The following URGCP variants were observed in gnomAD, a reference collection of about 807,000 sequenced individuals.
URGCP encodes the protein upregulator of cell proliferation, also known as up-regulator of cell proliferation.
In URGCP, 13 loss-of-function variants were observed where a neutral mutation model predicts 24.6. The ratio of observed to expected loss-of-function variants is 0.53; its 90% CI spans 0.34 to 0.84. The LOEUF (loss-of-function observed/expected upper bound fraction) is 0.84. Among genes scored for constraint, URGCP ranks in the 40% least tolerant of loss-of-function variants. The probability of loss-of-function intolerance (pLI) is 0.01; values close to 1 mark genes in which losing one functional copy is unlikely to be tolerated. For missense variants in URGCP, 899 were observed against 1,194.3 expected, an observed-to-expected ratio of 0.75 and a Z score of 3.64; for synonymous variants, 444 against 487.2, an observed-to-expected ratio of 0.91 and a Z score of 1.17.
At position 43,906,584 on chromosome 7, in the gene URGCP, C is replaced by G; in HGVS notation, c.-9G>C. Reference sequence around the variant, plus strand: ...CACCCGGGCGACGCCATGAGCGCAGCGAGGTCTCCGCTCCCGCCTCCTTCG... The same window carrying G: ...CACCCGGGCGACGCCATGAGCGCAGGGAGGTCTCCGCTCCCGCCTCCTTCG... On this transcript the variant is annotated 5_prime_UTR_variant, in exon 1 of 6. Coordinates refer to ENST00000453200, the MANE Select transcript of URGCP (RefSeq NM_001077663.3). 8.1e-7 allele frequency: 1 copy of G among 1,236,458 alleles called. No individual in the cohort carries two copies. Among genetic ancestry groups the G allele is most frequent in the Non-Finnish European group, 1.0e-6 (1 of 981,734 alleles). The allele number at this position is 1,236,458 out of a possible 1,614,324, so 76.6% of individuals were successfully genotyped here. A position where few individuals can be genotyped will look rare whatever the true frequency, so the allele number is the denominator to read the frequency against.
At chr7:43,918,937 C>T (rs1018851164) in intron 1 of URGCP, 4 of 1,385,596 alleles carry the variant, frequency 2.9e-6, no homozygotes, top group South Asian at 1.2e-5. Flanking sequence ...CTCAACTCCC[C>T]CTGTGCCAAG....
rs755926322 is a variant in URGCP, at chr7:43,878,973, G to A, written c.490C>T (p.Leu164Phe). The A allele has an allele frequency of 3.7e-6, 6 of 1,614,248 alleles. No homozygotes were observed. In the South Asian group the frequency reaches 6.6e-5, roughly 18 times the overall value. The change falls in exon 6 of 6, where the codon CTT (leucine) becomes TTT (phenylalanine). Residue 164 changes from leucine to phenylalanine, a missense_variant. By Grantham distance (22) the Leu-to-Phe change is conservative. Coordinates refer to ENST00000453200, the MANE Select transcript of URGCP (RefSeq NM_001077663.3). The surrounding 1 kb of genome is among the most constrained non-coding windows in gnomAD (Gnocchi z 5.6). ...EIIYWDPADD[L>F]AADIYSFSEL... ...GAAAAGGAATAAATGTCGGCAGCAA[G>A]GTCATCAGCTGGGTCCCAGTAGATG...
chr7:43,877,473 C>T lies in URGCP; in HGVS notation c.1990G>A (p.Asp664Asn). The change falls in exon 6 of 6, where the codon GAT becomes AAT. Residue 664 changes from aspartate (D) to asparagine (N), a missense_variant. Asp to Asn is a conservative substitution (Grantham distance 23). Transcript: ENST00000453200. ...LLTGLPLELI[D>N]GSTLSMPVRW... ...ACGGGCATGCTCAGCGTGCTCCCAT[C>T]GATTAGCTCCAGAGGCAGCCCTGTC... 1.9e-6 allele frequency: 3 copies of T among 1,613,664 alleles called. No individual in the cohort carries two copies. The highest frequency in any genetic ancestry group is 2.5e-6 in the Non-Finnish European group (3 of 1,180,022).
intron 1 of URGCP, among the ~76,000 whole-genome samples, chr7:43,925,498 TTTTA>T (rs2095928264): frequency 6.6e-6 from 1 of 152,264 alleles, no homozygotes; most frequent in South Asian, 2.1e-4. Flanking sequence ...GTTTTTTTAT[TTTTA>T]TTTTTTATTA....
chr7:43,905,865 T>C (rs1335592963), intron 1 of URGCP: 1 of 152,186 alleles, frequency 6.6e-6, no homozygotes, highest in African/African-American at 2.4e-5. Context: ...CAAGTGAGAA[T>C]TTTTTCTCAA....
chr7:43,926,560 C>A (rs749665888), upstream of URGCP: 20 of 1,570,300 alleles, frequency 1.3e-5, no homozygotes, highest in Non-Finnish European at 1.6e-5. Flanking sequence ...CCAGAAGGTA[C>A]GCACTTTCCC....
At chr7:43,924,301 G>GA (rs1167512397) in intron 1 of URGCP, among the ~76,000 whole-genome samples, 1 of 152,060 alleles carries the variant, frequency 6.6e-6, no homozygotes, top group Non-Finnish European at 1.5e-5. Context: ...AATAGAAACA[G>GA]AATTTTTCAT....
intron 3 of URGCP, among the ~76,000 whole-genome samples, chr7:43,883,132 T>A (rs1331428423): frequency 6.6e-6 from 1 of 151,886 alleles, no homozygotes; most frequent in Admixed American, 6.6e-5. Flanking sequence ...ATGTGTTTAA[T>A]GTAGTGCTAG....
chr7:43,919,680 G>A, intron 1 of URGCP: 1 of 1,380,522 alleles, frequency 7.2e-7, no homozygotes. Context: ...CCAGGGAGAG[G>A]TGGACCCCAC....
intron 1 of URGCP, among the ~76,000 whole-genome samples, chr7:43,895,402 T>G (rs536911978): frequency 3.3e-5 from 5 of 152,272 alleles, no homozygotes; most frequent in Non-Finnish European, 2.9e-5. Flanking sequence ...CAGGCCAGGC[T>G]CAGTGGCTCA....
chr7:43,909,751 T>A (rs1290483276), upstream of URGCP, among the ~76,000 whole-genome samples: 1 of 147,268 alleles, frequency 6.8e-6, no homozygotes, highest in Non-Finnish European at 1.5e-5. Context: ...ATAATAATAA[T>A]AAATAAAATT....
intron 1 of URGCP, among the ~76,000 whole-genome samples, chr7:43,901,993 T>C (rs1585824165): frequency 6.6e-6 from 1 of 151,982 alleles, no homozygotes; most frequent in East Asian, 1.9e-4. Flanking sequence ...GGTCTCCAGC[T>C]GAATGTTTAA....
intron 1 of URGCP, among the ~76,000 whole-genome samples, chr7:43,921,105 T>C (rs1304693524): frequency 6.6e-6 from 1 of 152,122 alleles, no homozygotes; most frequent in Non-Finnish European, 1.5e-5. Flanking sequence ...GGCGGGCGGA[T>C]CACGAGGTCA....
In URGCP at chr7:43,881,695, C is replaced by T. The variant is rs2095854136; in HGVS notation, c.166G>A (p.Gly56Ser). The T allele has an allele frequency of 6.2e-7, 1 of 1,613,968 alleles. No individual in the cohort carries two copies. Among genetic ancestry groups the T allele is most frequent in the Non-Finnish European group, 8.5e-7 (1 of 1,179,988 alleles). ...GDDCEFRYGDGTNEAQDNDFP... is the reference protein window; with the variant it reads ...GDDCEFRYGDSTNEAQDNDFP... ...TCATTGTCCTGAGCCTCATTTGTAC[C>T]ATCTATGGAAAAAGCAATGGAAAAT... is the stretch of plus-strand genomic sequence containing the variant. The change falls in exon 5 of 6, where the codon GGT becomes AGT. Residue 56 changes from glycine (G) to serine (S), a missense_variant and splice_region_variant. Transcript: ENST00000453200.
intron 1 of URGCP, among the ~76,000 whole-genome samples, chr7:43,900,187 C>T (rs1262284522): frequency 3.0e-4 from 45 of 151,200 alleles, no homozygotes; most frequent in African/African-American, 9.7e-4. Flanking sequence ...GGCGCGGTGG[C>T]TCATGCCTGT....
intron 1 of URGCP, 68 bp from the exon 2 acceptor site, chr7:43,887,884 T>G (rs1373755048): frequency 9.8e-7 from 1 of 1,023,422 alleles, no homozygotes; most frequent in Non-Finnish European, 1.4e-6. Flanking sequence ...AGCGAAAAAC[T>G]GATGCCTTTT....
intron 1 of URGCP, among the ~76,000 whole-genome samples, chr7:43,893,836 A>T (rs1182548761): frequency 6.6e-6 from 1 of 152,150 alleles, no homozygotes; most frequent in Non-Finnish European, 1.5e-5. Context: ...GCACCACTGC[A>T]CTCCAGCCTG....
chr7:43,918,464 A>G (rs112423299), intron 1 of URGCP, among the ~76,000 whole-genome samples: 2 of 151,820 alleles, frequency 1.3e-5, no homozygotes, highest in Non-Finnish European at 2.9e-5. Context: ...TATTTTTAGT[A>G]GAGATGGGGT....
intron 1 of URGCP, among the ~76,000 whole-genome samples, chr7:43,913,918 T>G (rs1311262234): frequency 2.0e-5 from 3 of 152,158 alleles, no homozygotes; most frequent in Non-Finnish European, 4.4e-5. Flanking sequence ...AGGCTGGTCT[T>G]GAACTCCTAC....
Sources: gnomAD v4.1 joint callset for allele counts (sites outside exome capture counted in the v4.1 genomes callset) on GRCh38, gnomAD v4.1.1 for gene constraint, Gnocchi (gnomAD v3.1) non-coding constraint, MANE v1.5 for transcripts, NCBI Gene and HGNC (gene_info 2026-07-23, HGNC 2026-07-21) for gene names.